CEPT1: variants seen among roughly 807,000 people sequenced by gnomAD.
The protein encoded by CEPT1 is choline/ethanolaminephosphotransferase 1.
Under a neutral mutation model 42.6 loss-of-function variants are expected in CEPT1, and 7 were observed. The ratio of observed to expected loss-of-function variants is 0.16; its 90% CI spans 0.09 to 0.31. CEPT1 has a LOEUF of 0.31. CEPT1 is among the 10% of genes least tolerant of loss of function. CEPT1 has a pLI of 1.00. For synonymous variants in CEPT1, 171 were observed against 171.9 expected (o/e 0.99, Z 0.04); for missense variants, 306 against 502.1 (o/e 0.61, Z 3.73).
At chr1:111,174,353 TGGA>T (rs1410066027) in intron 4 of CEPT1, among the ~76,000 whole-genome samples, 5 of 152,206 alleles carry the variant, frequency 3.3e-5, no homozygotes, top group South Asian at 2.1e-4. Flanking sequence ...ATTTGAGAAC[TGGA>T]GGAGTTTTTT....
intron 2 of CEPT1, among the ~76,000 whole-genome samples, chr1:111,151,352 G>C (rs1655267304): frequency 6.6e-6 from 1 of 152,162 alleles, no homozygotes; most frequent in Admixed American, 6.5e-5. Context: ...TCAATCTCTT[G>C]TTCTTGTAAT....
Position 111,146,854 on chromosome 1 carries a change from CTTAAAG to C in CEPT1, c.-73-783_-73-778del, listed in dbSNP as rs574843906. 2.1e-3 allele frequency among the ~76,000 whole-genome samples: 320 copies of C among 151,788 alleles called. 2 individuals carry two copies. The highest frequency in any genetic ancestry group is 1.4e-3 in the East Asian group (7 of 5,146). ...CACTCTGCTAATACATATATACTGT[CTTAAAG>C]TTAATTTTTTTCATTGTTGTATATC... On this transcript the variant is annotated intron_variant, in intron 1 of 8. Transcript: ENST00000357172.
chr1:111,183,427 A>G, intron 7 of CEPT1, 35 bp from the exon 8 acceptor site: 1 of 1,608,114 alleles, frequency 6.2e-7, no homozygotes, highest in South Asian at 1.1e-5. Flanking sequence ...TTGTCCTCTT[A>G]TGAAAATGCC....
At position 111,151,951 on chromosome 1, in the gene CEPT1, T is replaced by C. The variant is rs528460896; in HGVS notation, c.339+3898T>C. 7.4e-4 allele frequency among the ~76,000 whole-genome samples: 112 copies of C among 152,282 alleles called. No individual in the cohort carries two copies. The Middle Eastern group carries it at 0.014, about 18-fold the overall frequency. On this transcript the variant is annotated intron_variant, in intron 2 of 8. Transcript: ENST00000357172. ...TAAATAAAACCCATCTGATGAGAAT[T>C]TATGATTTGTAGGGCATGACTCCCC...
chr1:111,146,986 T>C (rs1238818732), intron 1 of CEPT1, among the ~76,000 whole-genome samples: 1 of 152,186 alleles, frequency 6.6e-6, no homozygotes, highest in Non-Finnish European at 1.5e-5. Context: ...TACTACTTGG[T>C]TTAGTTTAAA....
At chr1:111,142,605 A>C (rs898433755) in intron 1 of CEPT1, among the ~76,000 whole-genome samples, 1 of 152,232 alleles carries the variant, frequency 6.6e-6, no homozygotes, top group East Asian at 1.9e-4. Flanking sequence ...TAGTGAGGCA[A>C]GATCTGGTAC....
chr1:111,172,973 A>G (rs1656497185), intron 4 of CEPT1, among the ~76,000 whole-genome samples: 2 of 152,208 alleles, frequency 1.3e-5, no homozygotes, highest in African/African-American at 4.8e-5. Context: ...TGCCCTAAGA[A>G]TCCCAATTTG....
At chr1:111,150,649 T>A (rs952238157) in intron 2 of CEPT1, among the ~76,000 whole-genome samples, 8 of 152,294 alleles carry the variant, frequency 5.3e-5, no homozygotes, top group African/African-American at 7.2e-5. Flanking sequence ...ACTGATTTTT[T>A]AAAAAATGTA....
At chr1:111,183,399 T>C in intron 7 of CEPT1, 63 bp from the exon 8 acceptor site, 9 of 1,551,364 alleles carry the variant, frequency 5.8e-6, no homozygotes, top group Non-Finnish European at 8.0e-6. Flanking sequence ...ACAATATGAT[T>C]TACTGTGTAG....
chr1:111,157,758 C>T (rs79752625), intron 2 of CEPT1, among the ~76,000 whole-genome samples: 3,537 of 152,116 alleles, frequency 0.023, 142 homozygotes, highest in African/African-American at 0.08. Context: ...AAAGACGGAA[C>T]TCAAAAAAGG....
rs115730690 is a variant in CEPT1 at position 111,146,766 on chromosome 1, A to G, written c.-73-876A>G. On this transcript the variant is annotated intron_variant, in intron 1 of 8. Transcript: ENST00000357172. ...TCAGGGATTAAACTCAAGGTCCTTT[A>G]TTAGCAGTCATCACTTAACCCACTT... Among the ~76,000 whole-genome samples, 779 of 152,286 alleles carry G rather than the reference A, an allele frequency of 5.1e-3. 8 individuals are homozygous for G. The highest frequency in any genetic ancestry group is 0.048 in the Middle Eastern group (14 of 294).
chr1:111,174,743 C>G, intron 4 of CEPT1, 136 bp from the exon 5 acceptor site: 1 of 528,122 alleles, frequency 1.9e-6, no homozygotes, highest in Non-Finnish European at 3.4e-6. Context: ...TTTGATGCCT[C>G]CTTTTCCCCT....
intron 4 of CEPT1, chr1:111,167,551 A>G (rs1263246695): frequency 1.1e-6 from 1 of 932,000 alleles, no homozygotes; most frequent in Non-Finnish European, 1.3e-6. Flanking sequence ...AAGCAAGCAG[A>G]GTTTTTCTTA....
At chr1:111,172,604 C>T (rs1266866271) in intron 4 of CEPT1, among the ~76,000 whole-genome samples, 2 of 152,104 alleles carry the variant, frequency 1.3e-5, no homozygotes, top group African/African-American at 4.8e-5. Flanking sequence ...AAATCATAAA[C>T]TCTTGTTTAT....
chr1:111,158,043 A>G (rs1025154945), intron 2 of CEPT1, among the ~76,000 whole-genome samples: 2 of 152,194 alleles, frequency 1.3e-5, no homozygotes, highest in African/African-American at 4.8e-5. Flanking sequence ...TTGAATATAC[A>G]TTTAAATTCA....
rs545381038 is a variant in CEPT1 at position 111,155,739 on chromosome 1, C to T, written c.340-3641C>T. ...TTTTAGTAGAGATGGGGTTTCATCACGTTGACCATGCTGGTCTCAAACTCC... is the reference window on the plus strand; with the variant it reads ...TTTTAGTAGAGATGGGGTTTCATCATGTTGACCATGCTGGTCTCAAACTCC... On this transcript the variant is annotated intron_variant, in intron 2 of 8. Transcript: ENST00000357172. Among the ~76,000 whole-genome samples, 3 of 152,086 alleles carry T rather than the reference C, an allele frequency of 2.0e-5. No individual in the cohort carries two copies. The South Asian group carries it at 6.2e-4, about 32-fold the overall frequency.
At chr1:111,175,026 T>TA (rs1398799365) in intron 5 of CEPT1, 63 bp downstream of exon 5, 1 of 989,680 alleles carries the variant, frequency 1.0e-6, no homozygotes, top group African/African-American at 1.6e-5. Flanking sequence ...TGTTTTCTAA[T>TA]ATGGGATAAT....
rs1016966459 is a variant in CEPT1, at chr1:111,154,167, T to C, written c.340-5213T>C. ...TTCATTGTGGAGATCTTTCAACTCC[T>C]TGGTTAAATTTATTCCCAAGTATTT... On this transcript the variant is annotated intron_variant, in intron 2 of 8. Coordinates refer to ENST00000357172, the MANE Select transcript of CEPT1 (RefSeq NM_006090.5). Among the ~76,000 whole-genome samples, 4 of 151,592 alleles carry C rather than the reference T, an allele frequency of 2.6e-5. No homozygotes were observed. The East Asian group carries it at 5.8e-4, about 22-fold the overall frequency.
intron 5 of CEPT1, among the ~76,000 whole-genome samples, chr1:111,177,810 G>A (rs562550796): frequency 1.3e-5 from 2 of 151,404 alleles, no homozygotes; most frequent in East Asian, 3.9e-4. Flanking sequence ...CTAATTTCAG[G>A]ATTCATGAGG....
Sources: gnomAD v4.1 joint callset for allele counts (sites outside exome capture counted in the v4.1 genomes callset) on GRCh38, gnomAD v4.1.1 for gene constraint, MANE v1.5 for transcripts, NCBI Gene and HGNC (gene_info 2026-07-23, HGNC 2026-07-21) for gene names.